The following UNC13A variants were observed in gnomAD, a reference collection of about 807,000 sequenced individuals.
The protein encoded by UNC13A is protein unc-13 homolog A.
In UNC13A, 61 loss-of-function variants were observed where a neutral mutation model predicts 219.7. The observed-to-expected ratio is 0.28, with a 90% CI of 0.23 to 0.34. UNC13A has a LOEUF of 0.34. UNC13A is among the 10% of genes least tolerant of loss of function. The pLI, the probability that UNC13A is intolerant of heterozygous loss-of-function variation, is 1.00. For missense variants in UNC13A, 1,476 were observed against 2,270.3 expected (o/e 0.65, Z 7.11); for synonymous variants, 920 against 884.6 (o/e 1.04, Z -0.71).
At chr19:17,661,872 C>T (rs753451416) in intron 8 of UNC13A, among the ~76,000 whole-genome samples, 14 of 152,084 alleles carry the variant, frequency 9.2e-5, no homozygotes, top group Non-Finnish European at 1.9e-4. Context: ...GAAGTTTCAT[C>T]TGTATTTACA....
At chr19:17,663,656 C>A (rs2079591554) in intron 7 of UNC13A, 89 bp from the exon 8 acceptor site, 4 of 1,380,252 alleles carry the variant, frequency 2.9e-6, no homozygotes, top group Non-Finnish European at 4.0e-6. Flanking sequence ...TCACTCTCCC[C>A]AACTGCTCCC....
intron 21 of UNC13A, 52 bp downstream of exon 21, chr19:17,641,341 G>T: frequency 6.3e-7 from 1 of 1,593,024 alleles, no homozygotes. Context: ...ACCTGCCAGT[G>T]CCCACTTGGT....
chr19:17,678,056 TC>T (rs2079933095), intron 1 of UNC13A, among the ~76,000 whole-genome samples: 1 of 152,200 alleles, frequency 6.6e-6, no homozygotes, highest in Non-Finnish European at 1.5e-5. Flanking sequence ...CAGCCTCCCA[TC>T]CCGGGTTTGT....
intron 5 of UNC13A, 107 bp from the exon 6 acceptor site, chr19:17,668,297 G>T: frequency 1.8e-6 from 2 of 1,086,504 alleles, no homozygotes; most frequent in South Asian, 1.4e-5. Context: ...TGGGGTCTTT[G>T]GCAAAGCCTC....
rs1469999219 is a variant in UNC13A, at chr19:17,603,477, A to AT, written c.*2576dup. 3 of 152,246 alleles carry AT rather than the reference A, an allele frequency of 2.0e-5. No homozygotes were observed. Among genetic ancestry groups the AT allele is most frequent in the South Asian group, 2.1e-4 (1 of 4,822 alleles). The allele number at this position is 152,246 out of a possible 1,614,324, so 9.4% of individuals were successfully genotyped here. On this transcript the variant is annotated 3_prime_UTR_variant, in exon 44 of 44. Transcript: ENST00000519716. ...AATTCACATCTGCTCCTCAGTCCAT[A>AT]TAACAGTCACATAAGCTTATCCCTG... is the stretch of plus-strand genomic sequence containing the variant.
chr19:17,648,945 G>C lies in UNC13A; in HGVS notation c.1563C>G (p.Ala521=). ...VQSRKAGITS[A]LASSTLNNEE... ...CGTTGTTCAACGTGCTGGAGGCCAA[G>C]GCCGAGGTGATGCCCGCTTTCCTGG... Residue 521 remains alanine (A), a synonymous_variant, in exon 15 of 44, where the codon GCC becomes GCG. Coordinates refer to ENST00000519716, the MANE Select transcript of UNC13A (RefSeq NM_001080421.3). The C allele has an allele frequency of 1.2e-6, 2 of 1,605,564 alleles. No homozygotes were observed. Among genetic ancestry groups the C allele is most frequent in the South Asian group, 2.2e-5 (2 of 89,190 alleles).
chr19:17,670,355 C>T (rs2079761763), intron 4 of UNC13A, among the ~76,000 whole-genome samples: 1 of 152,068 alleles, frequency 6.6e-6, no homozygotes, highest in South Asian at 2.1e-4. Flanking sequence ...ATTCTCCTAA[C>T]TCAGCCTCCT....
chr19:17,654,927 A>T (rs1045997527), intron 11 of UNC13A, among the ~76,000 whole-genome samples: 1 of 152,084 alleles, frequency 6.6e-6, no homozygotes, highest in African/African-American at 2.4e-5. Context: ...GTGGGGCCAG[A>T]CTTGGTGCAT....
chr19:17,653,741 C>T (rs767828481), intron 11 of UNC13A, among the ~76,000 whole-genome samples: 21 of 152,030 alleles, frequency 1.4e-4, no homozygotes, highest in Non-Finnish European at 2.8e-4. Flanking sequence ...GAGCCTCCCG[C>T]CTCGACCTCC....
chr19:17,608,416 T>C (rs1457304630), intron 43 of UNC13A, among the ~76,000 whole-genome samples: 2 of 137,752 alleles, frequency 1.5e-5, no homozygotes, highest in African/African-American at 5.4e-5. Flanking sequence ...TATATAAAAA[T>C]ATATTTATAT....
intron 12 of UNC13A, among the ~76,000 whole-genome samples, chr19:17,650,878 C>T (rs1476083235): frequency 6.6e-6 from 1 of 151,950 alleles, no homozygotes; most frequent in Non-Finnish European, 1.5e-5. Context: ...GCAATCCTCC[C>T]ACCTTAGCCT....
chr19:17,676,165 G>C (rs2079895060), intron 1 of UNC13A, 124 bp from the exon 2 acceptor site: 1 of 1,030,254 alleles, frequency 9.7e-7, no homozygotes, highest in Admixed American at 2.0e-5. Flanking sequence ...ACAGAGGAGA[G>C]ACAGGCAAAG....
At position 17,655,887 on chromosome 19, in the gene UNC13A, C is replaced by T; in HGVS notation, c.1279G>A (p.Glu427Lys). 2 of 1,518,754 alleles carry T rather than the reference C, an allele frequency of 1.3e-6. No individual in the cohort carries two copies. The highest frequency in any genetic ancestry group is 1.3e-5 in the South Asian group (1 of 74,936). The allele number at this position is 1,518,754 out of a possible 1,614,324, so 94.1% of individuals were successfully genotyped here. ...IPEAEPPKDE[E>K]SFRPREDEEG... is the part of the protein sequence containing the mutation. The stretch of plus-strand genomic sequence containing the variant: ...CCCTTGGCCCCGTCCTGTTACCTCT[C>T]CTCGTCCTTGGGTGGCTCAGCCTCA... Residue 427 changes from glutamate (E) to lysine (K), a missense_variant, in exon 10 of 44, where the codon GAG (glutamate) becomes AAG (lysine). This residue lies in a region of UNC13A where 351 missense variants were observed against 342.6 expected (regional missense o/e 1.02). Transcript: ENST00000519716.
chr19:17,627,777 G>T lies in UNC13A; in HGVS notation c.3831+86C>A. 7.0e-7 allele frequency: 1 copy of T among 1,428,728 alleles called. No homozygotes were observed. The allele number at this position is 1,428,728 out of a possible 1,614,324, so 88.5% of individuals were successfully genotyped here. A position where few individuals can be genotyped will look rare whatever the true frequency, so the allele number is the denominator to read the frequency against. On this transcript the variant is annotated intron_variant, in intron 32 of 43. Coordinates refer to ENST00000519716, the MANE Select transcript of UNC13A (RefSeq NM_001080421.3). This position sits in a 1 kb window ranked among gnomAD's most constrained non-coding sequence, Gnocchi z 4.7. ...TGAGCTGGAATTCATCCCCAGGCCTGGTGGCATATGAGCTCAGGGGCCTGC... is the reference window on the plus strand; with the variant it reads ...TGAGCTGGAATTCATCCCCAGGCCTTGTGGCATATGAGCTCAGGGGCCTGC...
At chr19:17,640,880 CT>C (rs10531732) in intron 21 of UNC13A, among the ~76,000 whole-genome samples, 104 of 139,718 alleles carry the variant, frequency 7.4e-4, no homozygotes, top group African/African-American at 8.6e-4. Context: ...TTCTTTCTTT[CT>C]TTTTTTTTTT....
rs1457767678 is a variant in UNC13A at position 17,649,297 on chromosome 19, T to C, written c.1524+42A>G. ...TGTTAGAAGATCCCAGTGGGGGAGTTTGGGGAGAAGATCCCAAGAGGCCCA... is the reference window on the plus strand; with the variant it reads ...TGTTAGAAGATCCCAGTGGGGGAGTCTGGGGAGAAGATCCCAAGAGGCCCA... On this transcript the variant is annotated intron_variant, in intron 14 of 43. Coordinates refer to ENST00000519716, the MANE Select transcript of UNC13A (RefSeq NM_001080421.3). This position sits in a 1 kb window ranked among gnomAD's most constrained non-coding sequence, Gnocchi z 4.4. 6.4e-7 allele frequency: 1 copy of C among 1,557,352 alleles called. No individual in the cohort carries two copies. Among genetic ancestry groups the C allele is most frequent in the Non-Finnish European group, 8.6e-7 (1 of 1,158,104 alleles).
chr19:17,655,173 G>T lies in UNC13A; in HGVS notation c.1392+101C>A, dbSNP rs533588332. On this transcript the variant is annotated intron_variant, in intron 11 of 43. Transcript: ENST00000519716. Reference sequence around the variant, plus strand: ...CTTGGGTACGGGTGGGGTGTTGGGCGTGGCCAATATAGGTGTGGGTGTGGC... The same window carrying T: ...CTTGGGTACGGGTGGGGTGTTGGGCTTGGCCAATATAGGTGTGGGTGTGGC... The T allele has an allele frequency of 7.0e-5, 66 of 940,116 alleles. 1 individual carries two copies. In the Admixed American group the frequency reaches 1.3e-3, roughly 19 times the overall value. The allele number at this position is 940,116 out of a possible 1,614,324, so 58.2% of individuals were successfully genotyped here. A position where few individuals can be genotyped will look rare whatever the true frequency, so the allele number is the denominator to read the frequency against.
chr19:17,675,699 C>G (rs967532814), intron 2 of UNC13A, among the ~76,000 whole-genome samples: 2 of 151,848 alleles, frequency 1.3e-5, no homozygotes, highest in Non-Finnish European at 2.9e-5. Context: ...CTCATTTTTC[C>G]CACCTGTAGC....
Position 17,648,578 on chromosome 19 carries a change from C to A in UNC13A, c.1669G>T (p.Glu557Ter). The A allele has an allele frequency of 6.2e-7, 1 of 1,614,072 alleles. No homozygotes were observed. Residue 557 changes from glutamate (E) to a stop codon, truncating the protein, a stop_gained, in exon 16 of 44, where the codon GAA becomes TAA. Coordinates refer to ENST00000519716, the MANE Select transcript of UNC13A (RefSeq NM_001080421.3). LOFTEE classifies it high-confidence loss of function. ...GTGGGCGTGGTGGCCGTCCACACTTCGAAGTTGTGTGGCGTCGTGCACGAG... is the reference window on the plus strand; with the variant it reads ...GTGGGCGTGGTGGCCGTCCACACTTAGAAGTTGTGTGGCGTCGTGCACGAG... ...PISCTTPHNFEVWTATTPTYC... is the reference protein window; with the variant it reads ...PISCTTPHNF
Sources: allele counts gnomAD v4.1 joint callset (sites outside exome capture counted in the v4.1 genomes callset), GRCh38; gene constraint gnomAD v4.1.1; regional missense constraint gnomAD v4.1.1; non-coding constraint Gnocchi (gnomAD v3.1); transcripts MANE v1.5; gene names NCBI Gene and HGNC (gene_info 2026-07-23, HGNC 2026-07-21).